SYTL5: variants seen among roughly 807,000 people sequenced by gnomAD.
The protein encoded by SYTL5 is synaptotagmin-like protein 5.
A neutral mutation model predicts 55.9 loss-of-function variants in SYTL5; 34 were observed. The observed-to-expected ratio is 0.61, with a 90% CI of 0.46 to 0.81. The LOEUF (loss-of-function observed/expected upper bound fraction) is 0.81. Ranked by LOEUF, SYTL5 falls within the 30% of genes least tolerant of loss-of-function variation. The pLI, the probability that SYTL5 is intolerant of heterozygous loss-of-function variation, is 0.00. For synonymous variants in SYTL5, 221 were observed against 188.7 expected (o/e 1.17, Z -1.40); for missense variants, 637 against 546.7 (o/e 1.17, Z -1.65).
chrX:38,065,742 C>A (rs1228112654), intron 3 of SYTL5, among the ~76,000 whole-genome samples: 1 of 111,832 alleles, frequency 8.9e-6, no homozygotes, highest in Admixed American at 9.5e-5. Flanking sequence ...CCTTGTTTGT[C>A]TTCTTCACCT....
the SYTL5 span, among the ~76,000 whole-genome samples, chrX:37,944,993 T>C: frequency 8.9e-6 from 1 of 112,911 alleles, no homozygotes; most frequent in Non-Finnish European, 1.9e-5. Context: ...GTCGACTGAT[T>C]TCAAAGCAAA....
rs1490328370 is a variant in SYTL5, at chrX:38,081,633, G to T, written c.689+4932G>T. Among the ~76,000 whole-genome samples, 3 of 111,399 alleles carry T rather than the reference G, an allele frequency of 2.7e-5. No individual in the cohort carries two copies. The East Asian group carries it at 8.5e-4, about 31-fold the overall frequency. On this transcript the variant is annotated intron_variant, in intron 6 of 16. Coordinates refer to ENST00000297875, the MANE Select transcript of SYTL5 (RefSeq NM_138780.3). ...AGAGTGGGGAAATGAGCCAGGGAAG[G>T]GAAGGCAGGCAAAAAGGATATGTCA... is the stretch of plus-strand genomic sequence containing the variant.
the SYTL5 span, among the ~76,000 whole-genome samples, chrX:37,938,999 T>C: frequency 9.0e-6 from 1 of 111,470 alleles, no homozygotes; most frequent in Non-Finnish European, 1.9e-5. Context: ...GGCTCACACC[T>C]GTAATCCCAG....
rs1936321025 is a variant in SYTL5 at position 38,073,630 on chromosome X, T to A, written c.486T>A (p.Asp162Glu). The A allele has an allele frequency of 8.4e-7, 1 of 1,197,153 alleles. No homozygotes were observed. The highest frequency in any genetic ancestry group is 2.3e-5 in the Admixed American group (1 of 43,826). The change falls in exon 5 of 17, where the codon GAT becomes GAA. Residue 162 changes from aspartate to glutamate, a missense_variant. Asp to Glu is a conservative substitution (Grantham distance 45). Coordinates refer to ENST00000297875, the MANE Select transcript of SYTL5 (RefSeq NM_138780.3). ...AGAGCCAAGAGCAAACCCGCCAGGA[T>A]GCAGAAAAGTCAGACACTTCACCTG... The part of the protein sequence containing the change: ...EVQSQEQTRQ[D>E]AEKSDTSPVA...
chrX:38,024,798 T>C (rs889652329), intron 1 of SYTL5, among the ~76,000 whole-genome samples: 4 of 111,725 alleles, frequency 3.6e-5, no homozygotes, highest in Non-Finnish European at 7.5e-5. Flanking sequence ...ATGAAGTTGA[T>C]GGCACTGTTA....
the SYTL5 span, chrX:37,994,860 C>G: frequency 9.0e-6 from 1 of 110,905 alleles, no homozygotes; most frequent in Admixed American, 9.6e-5. Flanking sequence ...ATGAAAGACC[C>G]CAGGTTGCTT....
chrX:38,037,950 G>C (rs1935161375), intron 2 of SYTL5, among the ~76,000 whole-genome samples: 1 of 111,318 alleles, frequency 9.0e-6, no homozygotes, highest in Non-Finnish European at 1.9e-5. Context: ...AACCGGGAGA[G>C]CTGATGCAAT....
rs376368285 is a variant in SYTL5, at chrX:38,036,202, A to C, written c.119+2194A>C. ...GCGCCTGTAATCCCAGCTACTCGGG[A>C]GGCTGAGGCAGGAGAATCGCTTGAA... On this transcript the variant is annotated intron_variant, in intron 2 of 16. Coordinates refer to ENST00000297875, the MANE Select transcript of SYTL5 (RefSeq NM_138780.3). Among the ~76,000 whole-genome samples, 11 of 110,792 alleles carry C rather than the reference A, an allele frequency of 9.9e-5. No homozygotes were observed. The East Asian group carries it at 1.7e-3, about 17-fold the overall frequency.
chrX:37,935,451 A>G, the SYTL5 span, among the ~76,000 whole-genome samples: 1 of 112,442 alleles, frequency 8.9e-6, no homozygotes, highest in African/African-American at 3.2e-5. Flanking sequence ...AAACATATAT[A>G]AAGTATAGCA....
chrX:37,904,276 G>T, the SYTL5 span, among the ~76,000 whole-genome samples: 1 of 101,001 alleles, frequency 9.9e-6, no homozygotes, highest in Non-Finnish European at 2.0e-5. Context: ...GGGGGGGGGG[G>T]TGATATTTCC....
chrX:38,062,290 T>C (rs938581213), intron 3 of SYTL5, among the ~76,000 whole-genome samples: 4 of 112,119 alleles, frequency 3.6e-5, no homozygotes, highest in African/African-American at 1.3e-4. Context: ...ATACTTCTAA[T>C]ATGGCATTGA....
intron 15 of SYTL5, among the ~76,000 whole-genome samples, chrX:38,123,828 A>C (rs1569195760): frequency 8.9e-6 from 1 of 112,438 alleles, no homozygotes; most frequent in Non-Finnish European, 1.9e-5. Flanking sequence ...TAATACTTAA[A>C]TATTAGGCTG....
chrX:38,011,353 C>T (rs1397805310), intron 1 of SYTL5, among the ~76,000 whole-genome samples: 1 of 111,762 alleles, frequency 8.9e-6, no homozygotes, highest in South Asian at 3.7e-4. Context: ...TACTGCTGGC[C>T]GGGCGCGGTG....
intron 1 of SYTL5, among the ~76,000 whole-genome samples, chrX:38,007,099 C>T (rs1262263731): frequency 9.0e-6 from 1 of 111,485 alleles, no homozygotes; most frequent in Non-Finnish European, 1.9e-5. Flanking sequence ...ATAGATTGTC[C>T]TTTTGCTCTG....
chrX:38,061,152 A>C (rs1313556377), intron 3 of SYTL5, among the ~76,000 whole-genome samples: 1 of 112,243 alleles, frequency 8.9e-6, no homozygotes, highest in Non-Finnish European at 1.9e-5. Context: ...TAACCCTTCT[A>C]TGACAACAAC....
intron 2 of SYTL5, among the ~76,000 whole-genome samples, chrX:38,036,251 A>G (rs182773651): frequency 2.0e-3 from 219 of 111,525 alleles, no homozygotes; most frequent in African/African-American, 6.7e-3. Context: ...GCTTGCAGTG[A>G]GCCAAGATCG....
upstream of SYTL5, among the ~76,000 whole-genome samples, chrX:38,002,785 G>T (rs1289179647): frequency 1.8e-5 from 2 of 111,693 alleles, no homozygotes; most frequent in East Asian, 5.6e-4. Context: ...CAGATGAGTA[G>T]ATTGCAAAAA....
chrX:38,073,623 G>A lies in SYTL5; in HGVS notation c.479G>A (p.Arg160His), dbSNP rs149390993. The A allele has an allele frequency of 2.6e-4, 308 of 1,195,358 alleles. 2 individuals carry two copies. In the African/African-American group the frequency reaches 4.7e-3, roughly 18 times the overall value. ...AEEVQSQEQT[R>H]QDAEKSDTSP... ...GAAGTACAGAGCCAAGAGCAAACCC[G>A]CCAGGATGCAGAAAAGTCAGACACT... Residue 160 changes from arginine (R) to histidine (H), a missense_variant, in exon 5 of 17, where the codon CGC (arginine) becomes CAC (histidine). Physicochemically the swap from Arg to His is conservative, Grantham distance 29. Transcript: ENST00000297875.
chrX:37,967,748 A>C, the SYTL5 span, among the ~76,000 whole-genome samples: 1 of 108,835 alleles, frequency 9.2e-6, no homozygotes, highest in African/African-American at 3.4e-5. Context: ...ACTTCTTTTC[A>C]TTCTTTCTTC....
Sources: allele counts gnomAD v4.1 joint callset (sites outside exome capture counted in the v4.1 genomes callset), GRCh38; gene constraint gnomAD v4.1.1; transcripts MANE v1.5; gene names NCBI Gene and HGNC (gene_info 2026-07-23, HGNC 2026-07-21).